Variants in ATXN10 observed in about 807,000 individuals in gnomAD.
The protein encoded by ATXN10 is ataxin-10.
A neutral mutation model predicts 52.9 loss-of-function variants in ATXN10; 28 were observed. The ratio of observed to expected loss-of-function variants is 0.53; its 90% confidence interval spans 0.39 to 0.73. ATXN10 has a LOEUF of 0.73. Among genes scored for constraint, ATXN10 ranks in the 30% least tolerant of loss-of-function variants. The pLI is 0.00. For synonymous variants in ATXN10, 226 were observed against 221.5 expected (o/e 1.02, Z -0.18); for missense variants, 565 against 577.0 (o/e 0.98, Z 0.21).
intron 1 of ATXN10, chr22:45,673,337 A>G (rs1447777819): frequency 6.6e-6 from 1 of 152,260 alleles, no homozygotes; most frequent in Non-Finnish European, 1.5e-5. Context: ...GGGTCAGCCT[A>G]GGTGATCACT....
rs1929147624 is a variant in ATXN10 at position 45,835,756 on chromosome 22, T to C, written c.1238-7235T>C. ...TGAAACTGCTCTTTCTTATAGTGTG[T>C]ATTAAATGCAAATCTTACTCTATAT... is the stretch of plus-strand genomic sequence containing the variant. On this transcript the variant is annotated intron_variant, in intron 10 of 11. Transcript: ENST00000252934. The surrounding 1 kb of genome is among the most constrained non-coding windows in gnomAD (Gnocchi z 5.0). Among the ~76,000 whole-genome samples, 1 of 152,236 alleles carries C rather than the reference T, an allele frequency of 6.6e-6. No individual in the cohort carries two copies. The highest frequency in any genetic ancestry group is 1.5e-5 in the Non-Finnish European group (1 of 68,032).
At chr22:45,710,298 G>A (rs1924196432) in intron 5 of ATXN10, among the ~76,000 whole-genome samples, 1 of 152,100 alleles carries the variant, frequency 6.6e-6, no homozygotes, top group Non-Finnish European at 1.5e-5. Flanking sequence ...GTTCTGTCCT[G>A]AATCTTTACA....
At position 45,754,219 on chromosome 22, in the gene ATXN10, T is replaced by C. The variant is rs1490166383; in HGVS notation, c.1173+13681T>C. Among the ~76,000 whole-genome samples the C allele has an allele frequency of 2.6e-5, 4 of 152,198 alleles. No individual in the cohort carries two copies. Among genetic ancestry groups the C allele is most frequent in the South Asian group, 2.1e-4 (1 of 4,830 alleles). Reference sequence around the variant, plus strand: ...TTGGCACGTGTACCTTCGTGGTGCATGGGAAATTTTGATTCAGGTGAAAAA... The same window carrying C: ...TTGGCACGTGTACCTTCGTGGTGCACGGGAAATTTTGATTCAGGTGAAAAA... On this transcript the variant is annotated intron_variant, in intron 9 of 11. Transcript: ENST00000252934. The surrounding 1 kb of genome is among the most constrained non-coding windows in gnomAD (Gnocchi z 5.4).
In ATXN10 at chr22:45,823,057, G is replaced by C. The variant is rs1601669074; in HGVS notation, c.1237+16035G>C. The C allele has an allele frequency of 9.9e-6, 4 of 404,886 alleles. No homozygotes were observed. The East Asian group carries it at 3.2e-4, about 33-fold the overall frequency. The allele number at this position is 404,886 out of a possible 1,614,324, so 25.1% of individuals were successfully genotyped here. A position where few individuals can be genotyped will look rare whatever the true frequency, so the allele number is the denominator to read the frequency against. ...TCATGGTGTCTTATTATTTCATTGA[G>C]GTATAACTTAAATAGAGTAAACTGC... On this transcript the variant is annotated intron_variant, in intron 10 of 11. Transcript: ENST00000252934. The surrounding 1 kb of genome is among the most constrained non-coding windows in gnomAD (Gnocchi z 4.9).
intron 3 of ATXN10, among the ~76,000 whole-genome samples, chr22:45,699,272 T>G (rs1244873446): frequency 6.6e-6 from 1 of 151,932 alleles, no homozygotes; most frequent in African/African-American, 2.4e-5. Flanking sequence ...CTGTCTGGAG[T>G]TTTCTTTTCT....
intron 9 of ATXN10, among the ~76,000 whole-genome samples, chr22:45,802,960 G>A (rs1426824552): frequency 6.6e-6 from 1 of 152,178 alleles, no homozygotes; most frequent in African/African-American, 2.4e-5. Flanking sequence ...TGTAAATTCA[G>A]CCCTGTTGAA....
rs567606557 is a variant in ATXN10, at chr22:45,818,295, G to A, written c.1237+11273G>A. ...GGCATTAACAGTTATGCACTTGTGT[G>A]TCTTTAGAGCCATGGTCACTGCGTC... On this transcript the variant is annotated intron_variant, in intron 10 of 11. Coordinates refer to ENST00000252934, the MANE Select transcript of ATXN10 (RefSeq NM_013236.4). The surrounding 1 kb of genome is among the most constrained non-coding windows in gnomAD (Gnocchi z 4.6). Among the ~76,000 whole-genome samples, 4 of 152,302 alleles carry A rather than the reference G, an allele frequency of 2.6e-5. No homozygotes were observed. The highest frequency in any genetic ancestry group is 3.9e-4 in the East Asian group (2 of 5,162).
At chr22:45,675,876 C>A (rs1481790705) in intron 1 of ATXN10, 1 of 152,156 alleles carries the variant, frequency 6.6e-6, no homozygotes, top group African/African-American at 2.4e-5. Context: ...AAACATATTG[C>A]TTATGGTCAT....
At position 45,818,581 on chromosome 22, in the gene ATXN10, C is replaced by CGCTTTCA. The variant is rs1050929645; in HGVS notation, c.1237+11562_1237+11568dup. Among the ~76,000 whole-genome samples, 4 of 152,256 alleles carry CGCTTTCA rather than the reference C, an allele frequency of 2.6e-5. No individual in the cohort carries two copies. Among genetic ancestry groups the CGCTTTCA allele is most frequent in the East Asian group, 1.9e-4 (1 of 5,172 alleles). ...TTTTTGGTTTGAAGGTGACCACCCT[C>CGCTTTCA]GCTTTCAGCGGACCGGGGCAGGGAT... On this transcript the variant is annotated intron_variant, in intron 10 of 11. Transcript: ENST00000252934. This position sits in a 1 kb window ranked among gnomAD's most constrained non-coding sequence, Gnocchi z 4.6.
At chr22:45,707,445 C>A (rs1267640047) in intron 5 of ATXN10, among the ~76,000 whole-genome samples, 2 of 152,034 alleles carry the variant, frequency 1.3e-5, no homozygotes, top group Non-Finnish European at 2.9e-5. Flanking sequence ...TAGAAAACTT[C>A]CCTTTGTATG....
intron 9 of ATXN10, among the ~76,000 whole-genome samples, chr22:45,797,347 C>T (rs1927778672): frequency 6.6e-6 from 1 of 152,160 alleles, no homozygotes; most frequent in African/African-American, 2.4e-5. Flanking sequence ...TGTAGAAGAA[C>T]TGAAAACATA....
Position 45,744,897 on chromosome 22 carries a change from G to T in ATXN10, c.1173+4359G>T, listed in dbSNP as rs1169092727. On this transcript the variant is annotated intron_variant, in intron 9 of 11. Coordinates refer to ENST00000252934, the MANE Select transcript of ATXN10 (RefSeq NM_013236.4). The surrounding 1 kb of genome is among the most constrained non-coding windows in gnomAD (Gnocchi z 4.9). ...TCATGAGTCTTTAATGCTTAAGTCTGTACACGTGATAGATGTAGTGTTTCC... is the reference window on the plus strand; with the variant it reads ...TCATGAGTCTTTAATGCTTAAGTCTTTACACGTGATAGATGTAGTGTTTCC... 6.6e-6 allele frequency: 1 copy of T among 152,186 alleles called. No individual in the cohort carries two copies. The highest frequency in any genetic ancestry group is 2.4e-5 in the African/African-American group (1 of 41,444). The allele number at this position is 152,186 out of a possible 1,614,324, so 9.4% of individuals were successfully genotyped here.
At chr22:45,689,532 T>G (rs1216363473) in intron 1 of ATXN10, 180 bp from the exon 2 acceptor site, 1 of 627,234 alleles carries the variant, frequency 1.6e-6, no homozygotes, top group Non-Finnish European at 2.8e-6. Flanking sequence ...GAACAGTGTC[T>G]GGTGCATAGT....
chr22:45,836,471 T>G (rs964164312), intron 10 of ATXN10, among the ~76,000 whole-genome samples: 6 of 152,142 alleles, frequency 3.9e-5, no homozygotes, highest in African/African-American at 1.4e-4. Context: ...CTCTTCTTTT[T>G]GGAGGTGGTC....
At chr22:45,673,549 AC>A (rs1922559327) in intron 1 of ATXN10, 1 of 152,332 alleles carries the variant, frequency 6.6e-6, no homozygotes, top group African/African-American at 2.4e-5. Context: ...TTAGTTAATA[AC>A]CCAGTCATCA....
At chr22:45,695,478 A>T (rs1923569218) in intron 3 of ATXN10, among the ~76,000 whole-genome samples, 1 of 148,352 alleles carries the variant, frequency 6.7e-6, no homozygotes, top group Non-Finnish European at 1.5e-5. Flanking sequence ...CTTTGCATAT[A>T]ACATGAGGCA....
At chr22:45,803,548 G>A (rs1174581150) in intron 9 of ATXN10, among the ~76,000 whole-genome samples, 2 of 152,114 alleles carry the variant, frequency 1.3e-5, no homozygotes, top group East Asian at 1.9e-4. Context: ...GAAGGGTTTG[G>A]ATCACACATT....
At chr22:45,747,537 G>A (rs969670941) in intron 9 of ATXN10, among the ~76,000 whole-genome samples, 2 of 152,076 alleles carry the variant, frequency 1.3e-5, no homozygotes, top group African/African-American at 2.4e-5. Flanking sequence ...TGAGCAGTGG[G>A]TTCTCCTGTC....
chr22:45,685,400 G>T (rs1167397520), intron 1 of ATXN10, among the ~76,000 whole-genome samples: 3 of 152,088 alleles, frequency 2.0e-5, no homozygotes, highest in Admixed American at 6.5e-5. Flanking sequence ...AATTTTAATT[G>T]TCCTTGTAAG....
Sources: gnomAD v4.1 joint callset for allele counts (sites outside exome capture counted in the v4.1 genomes callset) on GRCh38, gnomAD v4.1.1 for gene constraint, Gnocchi (gnomAD v3.1) non-coding constraint, MANE v1.5 for transcripts, NCBI Gene and HGNC (gene_info 2026-07-23, HGNC 2026-07-21) for gene names.